Variants in MUC5B observed in about 807,000 individuals in gnomAD.
The protein encoded by MUC5B is mucin 5B, oligomeric mucus/gel-forming.
MUC5B carries 116 observed loss-of-function variants against 376.9 expected under a neutral mutation model. The ratio of observed to expected loss-of-function variants is 0.31; its 90% CI spans 0.26 to 0.36. The LOEUF (loss-of-function observed/expected upper bound fraction) is 0.36. Among genes scored for constraint, MUC5B ranks in the 10% least tolerant of loss-of-function variants. MUC5B has a pLI of 1.00. For missense variants in MUC5B, 7,165 were observed against 7,769.9 expected (o/e 0.92, Z 2.93); for synonymous variants, 3,517 against 3,390.9 (o/e 1.04, Z -1.29).
chr11:1,224,077 G>T (rs1340222856), intron 1 of MUC5B, among the ~76,000 whole-genome samples: 1 of 152,224 alleles, frequency 6.6e-6, no homozygotes, highest in East Asian at 1.9e-4. Context: ...GCGTCTGGCT[G>T]CAAGGTTTGG....
chr11:1,225,573 G>A (rs186523269), intron 1 of MUC5B, 108 bp from the exon 2 acceptor site: 186 of 977,570 alleles, frequency 1.9e-4, no homozygotes, highest in Non-Finnish European at 2.8e-4. Flanking sequence ...CGCCACCAAG[G>A]ACCCCACATG....
In MUC5B at chr11:1,253,409, C is replaced by A. The variant is rs1036205056; in HGVS notation, c.15217+429C>A. Among the ~76,000 whole-genome samples, 3 of 151,952 alleles carry A rather than the reference C, an allele frequency of 2.0e-5. No individual in the cohort carries two copies. The highest frequency in any genetic ancestry group is 4.4e-5 in the Non-Finnish European group (3 of 67,964). On this transcript the variant is annotated intron_variant, in intron 33 of 48. Transcript: ENST00000529681. This position sits in a 1 kb window ranked among gnomAD's most constrained non-coding sequence, Gnocchi z 4.3. ...GGCCAGGAGAAGCTCAGGATGGAAG[C>A]GGGAGCCCAGAGGAGCTTTTGTCTC...
At chr11:1,224,286 C>G (rs867336277) in intron 1 of MUC5B, among the ~76,000 whole-genome samples, 8 of 152,076 alleles carry the variant, frequency 5.3e-5, no homozygotes, top group Non-Finnish European at 2.9e-5. Context: ...GTCCTGTGGC[C>G]GGGGAAGGCA....
chr11:1,240,401 G>A, intron 30 of MUC5B, 26 bp downstream of exon 30: 2 of 1,562,716 alleles, frequency 1.3e-6, no homozygotes, highest in South Asian at 1.2e-5. Context: ...CTCTCCTGAG[G>A]CCCAGTACCG....
In MUC5B at chr11:1,250,208, C is replaced by T; in HGVS notation, c.13328C>T (p.Thr4443Ile). The stretch of plus-strand genomic sequence containing the variant: ...GGATCCACGGCCACCCCGTCCTCCA[C>T]CCCAGGGACCACCTGGATCCTCACA... ...STGSTATPSSTPGTTWILTEP... is the reference protein window; with the variant it reads ...STGSTATPSSIPGTTWILTEP... The change falls in exon 31 of 49, where the codon ACC becomes ATC. Residue 4443 changes from threonine (T) to isoleucine (I), a missense_variant. Physicochemically the swap from Thr to Ile is moderately conservative, Grantham distance 89. Coordinates refer to ENST00000529681, the MANE Select transcript of MUC5B (RefSeq NM_002458.3). 2 of 1,609,504 alleles carry T rather than the reference C, an allele frequency of 1.2e-6. No individual in the cohort carries two copies. Among genetic ancestry groups the T allele is most frequent in the Non-Finnish European group, 8.5e-7 (1 of 1,177,004 alleles).
chr11:1,250,023 C>A lies in MUC5B; in HGVS notation c.13143C>A (p.Thr4381=), dbSNP rs560210224. 1.9e-5 allele frequency: 30 copies of A among 1,611,838 alleles called. No individual in the cohort carries two copies. The Admixed American group carries it at 2.3e-4, about 13-fold the overall frequency. ...CAAGGGCCACCAGTTCCACGTCCAC[C>A]CCCTCCTCCACTCCGGGGACGACCT... ...TTTRATSSTS[T]PSSTPGTTWI... Residue 4381 remains threonine (T), a synonymous_variant, in exon 31 of 49, where the codon ACC becomes ACA. Coordinates refer to ENST00000529681, the MANE Select transcript of MUC5B (RefSeq NM_002458.3).
At position 1,250,356 on chromosome 11, in the gene MUC5B, C is replaced by T; in HGVS notation, c.13476C>T (p.Ser4492=). The stretch of plus-strand genomic sequence containing the variant: ...CGGCCACGACACCCACAGTCACCAG[C>T]TCCAAAGCCACTCCCTCCTCCAGTC... The part of the protein sequence containing the change: ...STTATTPTVT[S]SKATPSSSPG... Residue 4492 remains serine, a synonymous_variant, in exon 31 of 49, where the codon AGC becomes AGT. Coordinates refer to ENST00000529681, the MANE Select transcript of MUC5B (RefSeq NM_002458.3). 1 of 1,613,338 alleles carries T rather than the reference C, an allele frequency of 6.2e-7. No individual in the cohort carries two copies. The highest frequency in any genetic ancestry group is 8.5e-7 in the Non-Finnish European group (1 of 1,179,638).
chr11:1,236,958 G>A lies in MUC5B; in HGVS notation c.3091G>A (p.Asp1031Asn). The change falls in exon 25 of 49, where the codon GAC (aspartate) becomes AAC (asparagine). Residue 1031 changes from aspartate (D) to asparagine (N), a missense_variant. By Grantham distance (23) the Asp-to-Asn change is conservative (BLOSUM62 1). Coordinates refer to ENST00000529681, the MANE Select transcript of MUC5B (RefSeq NM_002458.3). ...CTGCGGCCTGTGCGGGAACTTCGAC[G>A]ACAATGCCATCAATGACTTTGCCAC... ...RVCGLCGNFD[D>N]NAINDFATRS... 5 of 1,516,730 alleles carry A rather than the reference G, an allele frequency of 3.3e-6. No individual in the cohort carries two copies. Among genetic ancestry groups the A allele is most frequent in the Non-Finnish European group, 3.5e-6 (4 of 1,128,264 alleles). The allele number at this position is 1,516,730 out of a possible 1,614,324, so 94.0% of individuals were successfully genotyped here.
Position 1,229,158 on chromosome 11 carries a change from C to T in MUC5B, c.977-12C>T. 1 of 1,578,400 alleles carries T rather than the reference C, an allele frequency of 6.3e-7. No homozygotes were observed. Among genetic ancestry groups the T allele is most frequent in the Non-Finnish European group, 8.6e-7 (1 of 1,167,196 alleles). On this transcript the variant is annotated splice_polypyrimidine_tract_variant and intron_variant, in intron 8 of 48. Transcript: ENST00000529681. ...CCCTTCCCCTGGCCCAGCCCCACCT[C>T]CTTTTGCGCAGCCCGGACCTGCCCC...
intron 44 of MUC5B, chr11:1,259,538 G>C (rs574794072): frequency 3.0e-5 from 18 of 596,846 alleles, no homozygotes; most frequent in Non-Finnish European, 5.4e-5. Flanking sequence ...GCTGAGGTCA[G>C]GTTCCAGGAA....
Position 1,246,473 on chromosome 11 carries a change from G to C in MUC5B, c.9593G>C (p.Ser3198Thr), listed in dbSNP as rs117501397. The C allele has an allele frequency of 0.028, 44,340 of 1,608,120 alleles. 966 individuals are homozygous for C. The highest frequency in any genetic ancestry group is 0.03 in the Non-Finnish European group (35,240 of 1,175,292). ...ATAGTLKVLT[S>T]TATTPTVISS... ...GCTGGCACCCTCAAAGTGCTGACCA[G>C]CACGGCCACCACACCCACAGTCATC... The change falls in exon 31 of 49, where the codon AGC becomes ACC. Residue 3198 changes from serine (S) to threonine (T), a missense_variant. Transcript: ENST00000529681.
chr11:1,233,680 A>AAGG, intron 18 of MUC5B, 113 bp from the exon 19 acceptor site: 1 of 1,021,576 alleles, frequency 9.8e-7, no homozygotes, highest in Non-Finnish European at 1.5e-6. Flanking sequence ...CTGGCCTTAC[A>AAGG]AGGAGGTGGC....
Position 1,257,837 on chromosome 11 carries a change from C to T in MUC5B, c.16450+127C>T. 4.3e-6 allele frequency: 5 copies of T among 1,174,112 alleles called. No individual in the cohort carries two copies. Among genetic ancestry groups the T allele is most frequent in the Non-Finnish European group, 3.5e-6 (3 of 855,618 alleles). The allele number at this position is 1,174,112 out of a possible 1,614,324, so 72.7% of individuals were successfully genotyped here. On this transcript the variant is annotated intron_variant, in intron 41 of 48. Transcript: ENST00000529681. This position sits in a 1 kb window ranked among gnomAD's most constrained non-coding sequence, Gnocchi z 8.9. ...CCACTGTGTCCTGGCGTGACCGCGGCAGGACCACTCGGCAGAGATGGCCTC... is the reference window on the plus strand; with the variant it reads ...CCACTGTGTCCTGGCGTGACCGCGGTAGGACCACTCGGCAGAGATGGCCTC...
At chr11:1,259,729 G>A (rs1157139132) in intron 44 of MUC5B, 27 bp from the exon 45 acceptor site, 1 of 1,610,706 alleles carries the variant, frequency 6.2e-7, no homozygotes, top group Non-Finnish European at 8.5e-7. Flanking sequence ...AGAGGGTTAG[G>A]GCCTGACGCC....
Position 1,248,975 on chromosome 11 carries a change from C to T in MUC5B, c.12095C>T (p.Thr4032Ile), listed in dbSNP as rs756898755. ...HTVRTAWTSA[T>I]SGTLGTTHIT... is the part of the protein sequence containing the mutation. ...GTGCGCACAGCCTGGACTTCGGCCA[C>T]CTCAGGCACCTTGGGCACCACCCAC... The change falls in exon 31 of 49, where the codon ACC becomes ATC. Residue 4032 changes from threonine to isoleucine, a missense_variant. By Grantham distance (89) the Thr-to-Ile change is moderately conservative. Coordinates refer to ENST00000529681, the MANE Select transcript of MUC5B (RefSeq NM_002458.3). 6.2e-7 allele frequency: 1 copy of T among 1,607,438 alleles called. No individual in the cohort carries two copies. The highest frequency in any genetic ancestry group is 2.2e-5 in the East Asian group (1 of 44,810).
Position 1,246,214 on chromosome 11 carries a change from A to G in MUC5B, c.9334A>G (p.Lys3112Glu), listed in dbSNP as rs772872205. Residue 3112 changes from lysine (K) to glutamate (E), a missense_variant, in exon 31 of 49, where the codon AAG becomes GAG. This residue lies in a region of MUC5B where 939 missense variants were observed against 770.6 expected (regional missense o/e 1.22). Coordinates refer to ENST00000529681, the MANE Select transcript of MUC5B (RefSeq NM_002458.3). ...TTHTSTVLTTKATTTRATSSM... is the reference protein window; with the variant it reads ...TTHTSTVLTTEATTTRATSSM... ...CCACACCTCCACAGTGCTGACCACGAAGGCCACCACGACAAGGGCCACCAG... is the reference window on the plus strand; with the variant it reads ...CCACACCTCCACAGTGCTGACCACGGAGGCCACCACGACAAGGGCCACCAG... The G allele has an allele frequency of 2.5e-6, 4 of 1,611,088 alleles. No homozygotes were observed. The highest frequency in any genetic ancestry group is 3.4e-6 in the Non-Finnish European group (4 of 1,179,176).
chr11:1,249,575 C>G lies in MUC5B; in HGVS notation c.12695C>G (p.Pro4232Arg). The change falls in exon 31 of 49, where the codon CCG (proline) becomes CGG (arginine). Residue 4232 changes from proline (P) to arginine (R), a missense_variant. Physicochemically the swap from Pro to Arg is moderately radical, Grantham distance 103. Around this residue, in one of 31 missense-constraint regions of MUC5B, gnomAD observed 38 missense variants for 72.5 expected, o/e 0.52. Coordinates refer to ENST00000529681, the MANE Select transcript of MUC5B (RefSeq NM_002458.3). The stretch of plus-strand genomic sequence containing the variant: ...AACTACGGCCACTGCCCCAGCACCC[C>G]GGCCACCAGCTCTACGGCCATGCCC... ...CCNYGHCPST[P>R]ATSSTAMPSS... 1 of 1,612,664 alleles carries G rather than the reference C, an allele frequency of 6.2e-7. No individual in the cohort carries two copies.
rs12286473 is a variant in MUC5B at position 1,243,660 on chromosome 11, A to G, written c.6780A>G (p.Arg2260=). 0.16 allele frequency: 253,098 copies of G among 1,576,616 alleles called. 24,270 individuals carry two copies. The highest frequency in any genetic ancestry group is 0.18 in the Non-Finnish European group (202,776 of 1,149,712). Residue 2260 remains arginine, a synonymous_variant, in exon 31 of 49, where the codon AGA becomes AGG. Coordinates refer to ENST00000529681, the MANE Select transcript of MUC5B (RefSeq NM_002458.3). ...TTTCCAGCCCTCACCCTAGCAGCAG[A>G]ACCACCGAGTCACCCCCTTCTCCAG... ...PALSSPHPSS[R]TTESPPSPGT...
At chr11:1,223,533 C>G (rs1861807116) in intron 1 of MUC5B, 4 of 416,022 alleles carry the variant, frequency 9.6e-6, no homozygotes, top group Admixed American at 7.2e-5. Flanking sequence ...GGGGGTCTCT[C>G]TGGAGCCCCA....
Sources: allele counts gnomAD v4.1 joint callset (sites outside exome capture counted in the v4.1 genomes callset), GRCh38; gene constraint gnomAD v4.1.1; regional missense constraint gnomAD v4.1.1; non-coding constraint Gnocchi (gnomAD v3.1); transcripts MANE v1.5; gene names NCBI Gene and HGNC (gene_info 2026-07-23, HGNC 2026-07-21).